Variants in SYNPR observed in about 807,000 individuals in gnomAD.
SYNPR encodes synaptoporin.
Under a neutral mutation model 32.9 loss-of-function variants are expected in SYNPR, and 23 were observed. The ratio of observed to expected loss-of-function variants is 0.70; its 90% CI spans 0.50 to 0.99. The LOEUF (loss-of-function observed/expected upper bound fraction) is 0.99, where lower values mean the gene tolerates loss of function less well. Among genes scored for constraint, SYNPR ranks in the 50% least tolerant of loss-of-function variants. SYNPR has a pLI of 0.00. For missense variants in SYNPR, 318 were observed against 349.3 expected, an observed-to-expected ratio of 0.91 and a Z score of 0.71; for synonymous variants, 146 against 135.9, an observed-to-expected ratio of 1.07 and a Z score of -0.52.
chr3:63,314,084 CATAT>C (rs1202235482), intron 2 of SYNPR, among the ~76,000 whole-genome samples: 1 of 101,762 alleles, frequency 9.8e-6, no homozygotes, highest in Non-Finnish European at 2.0e-5. Context: ...TATATATATC[CATAT>C]ATATATATAT....
At chr3:63,385,278 C>T (rs1030555281) in intron 2 of SYNPR, among the ~76,000 whole-genome samples, 3 of 152,174 alleles carry the variant, frequency 2.0e-5, no homozygotes, top group African/African-American at 7.2e-5. Context: ...GCCCTGCTTC[C>T]TTCCTTTCTC....
chr3:63,337,412 C>T lies in SYNPR; in HGVS notation c.84+58670C>T, dbSNP rs138110353. On this transcript the variant is annotated intron_variant, in intron 2 of 5. Coordinates refer to ENST00000478300, the MANE Select transcript of SYNPR (RefSeq NM_001130003.2). ...TAACAGGGACTCTTCATTCACTGAT[C>T]GTGGGAATGCAAAATGGTACAGTCA... Among the ~76,000 whole-genome samples, 944 of 152,146 alleles carry T rather than the reference C, an allele frequency of 6.2e-3. 10 individuals are homozygous for T. The highest frequency in any genetic ancestry group is 0.021 in the African/African-American group (888 of 41,496).
intron 2 of SYNPR, among the ~76,000 whole-genome samples, chr3:63,395,813 CTTTT>C (rs910970801): frequency 1.3e-5 from 2 of 149,590 alleles, no homozygotes; most frequent in Non-Finnish European, 3.0e-5. Flanking sequence ...CTTAAATGTT[CTTTT>C]TTTTTTCTCA....
At chr3:63,514,485 C>T (rs1701757606) in intron 3 of SYNPR, among the ~76,000 whole-genome samples, 1 of 152,144 alleles carries the variant, frequency 6.6e-6, no homozygotes, top group South Asian at 2.1e-4. Context: ...CAGTTGGCTC[C>T]CACCATTTGC....
At chr3:63,307,697 A>G (rs2086921537) in intron 2 of SYNPR, among the ~76,000 whole-genome samples, 1 of 152,020 alleles carries the variant, frequency 6.6e-6, no homozygotes, top group Non-Finnish European at 1.5e-5. Context: ...TAATTCAGAT[A>G]ATCATCCTTC....
chr3:63,350,192 AG>A (rs1293368605), intron 2 of SYNPR, among the ~76,000 whole-genome samples: 1 of 150,240 alleles, frequency 6.7e-6, no homozygotes. Context: ...AAGGGAAAAC[AG>A]GTAGAGGTTA....
intron 2 of SYNPR, among the ~76,000 whole-genome samples, chr3:63,365,078 A>G (rs1450867991): frequency 6.6e-6 from 1 of 152,234 alleles, no homozygotes; most frequent in Non-Finnish European, 1.5e-5. Flanking sequence ...CAGTAATTAC[A>G]GAAACTATTT....
chr3:63,428,481 C>A (rs1383918043), intron 2 of SYNPR, among the ~76,000 whole-genome samples: 1 of 152,214 alleles, frequency 6.6e-6, no homozygotes, highest in Non-Finnish European at 1.5e-5. Flanking sequence ...TAGGTCAACT[C>A]TATGTATGCA....
chr3:63,534,441 A>G (rs985370), intron 3 of SYNPR, among the ~76,000 whole-genome samples: 33,548 of 152,146 alleles, frequency 0.22, 3,778 homozygotes, highest in East Asian at 0.32. Context: ...ATTAACACAT[A>G]AAAGTCACAT....
At chr3:63,509,732 G>C (rs1280259376) in intron 3 of SYNPR, among the ~76,000 whole-genome samples, 1 of 152,026 alleles carries the variant, frequency 6.6e-6, no homozygotes, top group Non-Finnish European at 1.5e-5. Context: ...ATTTTTGACA[G>C]ACAATAAAGG....
At chr3:63,411,637 A>T (rs531119613) in intron 2 of SYNPR, among the ~76,000 whole-genome samples, 154 of 152,232 alleles carry the variant, frequency 1.0e-3, no homozygotes, top group African/African-American at 3.6e-3. Context: ...AGAGAGCAGA[A>T]GAGTATTCCA....
chr3:63,489,205 C>G (rs1413653986), intron 3 of SYNPR, among the ~76,000 whole-genome samples: 6 of 152,050 alleles, frequency 3.9e-5, no homozygotes, highest in Non-Finnish European at 7.4e-5. Flanking sequence ...ACTGGGGCAC[C>G]TAAGATTTTT....
chr3:63,361,785 T>TAC (rs1193851502), intron 2 of SYNPR, among the ~76,000 whole-genome samples: 2 of 151,132 alleles, frequency 1.3e-5, no homozygotes, highest in African/African-American at 4.8e-5. Flanking sequence ...CAAATATTTC[T>TAC]ACAAATATAT....
the SYNPR span, among the ~76,000 whole-genome samples, chr3:63,209,763 C>T: frequency 5.3e-5 from 8 of 152,288 alleles, no homozygotes; most frequent in African/African-American, 1.4e-4. Flanking sequence ...AACTTACACA[C>T]GCTCATAGCA....
At chr3:63,479,622 G>T (rs976338370) in intron 2 of SYNPR, among the ~76,000 whole-genome samples, 5 of 152,158 alleles carry the variant, frequency 3.3e-5, no homozygotes, top group African/African-American at 1.2e-4. Flanking sequence ...GGTGGCAGGA[G>T]TTATAGATAA....
rs35822196 is a variant in SYNPR, at chr3:63,545,027, G to GAA, written c.210-11505_210-11504dup. On this transcript the variant is annotated intron_variant, in intron 3 of 5. Transcript: ENST00000478300. The stretch of plus-strand genomic sequence containing the variant: ...GCTTTATATTGCCTTTGATTTAGGG[G>GAA]AAAAAAAAAAAACATGTGAAAGGGT... 3.5e-3 allele frequency among the ~76,000 whole-genome samples: 513 copies of GAA among 146,626 alleles called. 5 individuals are homozygous for GAA. The East Asian group carries it at 0.036, about 10-fold the overall frequency.
At chr3:63,498,873 G>A (rs1701424333) in intron 3 of SYNPR, among the ~76,000 whole-genome samples, 2 of 151,404 alleles carry the variant, frequency 1.3e-5, no homozygotes, top group African/African-American at 4.9e-5. Flanking sequence ...GAGCACTTTG[G>A]GAGGCTGAAG....
Position 63,456,058 on chromosome 3 carries a change from AAG to A in SYNPR, c.85-24763_85-24762del, listed in dbSNP as rs373425096. 5.0e-3 allele frequency among the ~76,000 whole-genome samples: 753 copies of A among 152,020 alleles called. 5 individuals are homozygous for A. Among genetic ancestry groups the A allele is most frequent in the African/African-American group, 0.017 (717 of 41,490 alleles). Reference sequence around the variant, plus strand: ...CATCTTAGATGGATGGCAGCAGGCAAAGAGAGAGAGAGCTCGTGCAGGGGAAT... The same window carrying A: ...CATCTTAGATGGATGGCAGCAGGCAAAGAGAGAGAGCTCGTGCAGGGGAAT... On this transcript the variant is annotated intron_variant, in intron 2 of 5. Transcript: ENST00000478300.
chr3:63,236,112 G>A (rs75231008), intron 1 of SYNPR, among the ~76,000 whole-genome samples: 5,655 of 148,618 alleles, frequency 0.038, 165 homozygotes, highest in Middle Eastern at 0.087. Context: ...GGCACCATTT[G>A]TTCCATTTGT....
Sources: allele counts gnomAD v4.1 joint callset (sites outside exome capture counted in the v4.1 genomes callset), GRCh38; gene constraint gnomAD v4.1.1; transcripts MANE v1.5; gene names NCBI Gene and HGNC (gene_info 2026-07-23, HGNC 2026-07-21).